The following SLC6A4 variants were observed in gnomAD, a reference collection of about 807,000 sequenced individuals.
SLC6A4 encodes sodium-dependent serotonin transporter.
SLC6A4 carries 22 observed loss-of-function variants against 73.4 expected under a neutral mutation model. That is an observed-to-expected ratio of 0.30 (90% CI 0.21 to 0.43). SLC6A4 has a LOEUF of 0.43. SLC6A4 is among the 20% of genes least tolerant of loss of function. The pLI is 1.00. For missense variants in SLC6A4, 593 were observed against 808.5 expected, an observed-to-expected ratio of 0.73 and a Z score of 3.23; for synonymous variants, 270 against 315.5, an observed-to-expected ratio of 0.86 and a Z score of 1.53.
Position 30,207,715 on chromosome 17 carries a change from G to A in SLC6A4, c.1650+17C>T, listed in dbSNP as rs1906251433. Reference sequence around the variant, plus strand: ...TCTTTCGCCAGGGCAAGGAGGAGAAGGGAAATGGCAACTCACCAGGAGAAA... The same window carrying A: ...TCTTTCGCCAGGGCAAGGAGGAGAAAGGAAATGGCAACTCACCAGGAGAAA... On this transcript the variant is annotated intron_variant, in intron 13 of 14. Coordinates refer to ENST00000650711, the MANE Select transcript of SLC6A4 (RefSeq NM_001045.6). 1 of 1,545,346 alleles carries A rather than the reference G, an allele frequency of 6.5e-7. No homozygotes were observed. Among genetic ancestry groups the A allele is most frequent in the Non-Finnish European group, 9.0e-7 (1 of 1,117,136 alleles).
In SLC6A4 at chr17:30,205,405, A is replaced by G. The variant is rs182729779; in HGVS notation, c.1651-2066T>C. ...CCAATGACTCTTCTTCCTTTGAAAA[A>G]CAAATAAAAATATTTAAGTAGATTA... On this transcript the variant is annotated intron_variant, in intron 13 of 14. Coordinates refer to ENST00000650711, the MANE Select transcript of SLC6A4 (RefSeq NM_001045.6). Among the ~76,000 whole-genome samples the G allele has an allele frequency of 8.6e-4, 131 of 152,290 alleles. 1 individual carries two copies. The highest frequency in any genetic ancestry group is 1.3e-3 in the Non-Finnish European group (89 of 68,024).
At chr17:30,229,001 G>A (rs1466755753) in intron 1 of SLC6A4, among the ~76,000 whole-genome samples, 7 of 152,194 alleles carry the variant, frequency 4.6e-5, no homozygotes, top group African/African-American at 1.2e-4. Context: ...CTCCATGTGA[G>A]GTGCTGCTCT....
At chr17:30,232,662 C>CAGTCAG (rs1907148101) in intron 1 of SLC6A4, among the ~76,000 whole-genome samples, 1 of 152,204 alleles carries the variant, frequency 6.6e-6, no homozygotes, top group Admixed American at 6.5e-5. Flanking sequence ...AATAATAAGG[C>CAGTCAG]AGTCAGACTG....
chr17:30,209,401 G>T (rs1035917855), intron 11 of SLC6A4, among the ~76,000 whole-genome samples, 159 bp from the exon 12 acceptor site: 2 of 152,190 alleles, frequency 1.3e-5, no homozygotes, highest in East Asian at 3.9e-4. Flanking sequence ...GCCAGGTGCG[G>T]TGGCTCATGC....
intron 13 of SLC6A4, among the ~76,000 whole-genome samples, chr17:30,207,036 C>T (rs1181632676): frequency 6.6e-6 from 1 of 152,066 alleles, no homozygotes; most frequent in East Asian, 1.9e-4. Flanking sequence ...ATGGGAGTGC[C>T]AGAACTATAA....
intron 7 of SLC6A4, 77 bp from the exon 8 acceptor site, chr17:30,215,791 C>T: frequency 4.7e-6 from 6 of 1,273,372 alleles, no homozygotes; most frequent in Non-Finnish European, 5.7e-6. Context: ...GGTCGCCACT[C>T]CTGCCTCCAT....
rs1177152995 is a variant in SLC6A4, at chr17:30,196,501, G to A, written c.*1955C>T. ...AGTAGTATATTTGAACAATGTCTAA[G>A]TATGTGGGGTGGGGAGAATCCATAT... On this transcript the variant is annotated 3_prime_UTR_variant, in exon 15 of 15. Transcript: ENST00000650711. 6.6e-6 allele frequency: 1 copy of A among 152,256 alleles called. No individual in the cohort carries two copies. Among genetic ancestry groups the A allele is most frequent in the East Asian group, 1.9e-4 (1 of 5,336 alleles). The allele number at this position is 152,256 out of a possible 1,614,324, so 9.4% of individuals were successfully genotyped here.
At chr17:30,214,634 CTTTT>C (rs753290326) in intron 8 of SLC6A4, among the ~76,000 whole-genome samples, 3 of 132,350 alleles carry the variant, frequency 2.3e-5, no homozygotes, top group Middle Eastern at 3.7e-3. Flanking sequence ...TTCTTTCTTT[CTTTT>C]TTTTTTTTTT....
At chr17:30,218,059 C>T in intron 5 of SLC6A4, 59 bp downstream of exon 5, 1 of 1,443,080 alleles carries the variant, frequency 6.9e-7, no homozygotes, top group Non-Finnish European at 9.7e-7. Flanking sequence ...TTTAAGAAGC[C>T]AAACCCCAGG....
Position 30,221,990 on chromosome 17 carries a change from T to C in SLC6A4, c.-32A>G. 5.6e-6 allele frequency: 9 copies of C among 1,613,740 alleles called. No individual in the cohort carries two copies. In the South Asian group the frequency reaches 9.9e-5, roughly 18 times the overall value. On this transcript the variant is annotated 5_prime_UTR_variant, in exon 3 of 15. It removes an upstream start codon present in the reference 5' UTR. Transcript: ENST00000650711. ...GGTTAGTAAATGACACTGATGTCCA[T>C]CTGCCAAGGATCCCAATTGATCTCT...
At chr17:30,214,952 T>C (rs1389172309) in intron 8 of SLC6A4, among the ~76,000 whole-genome samples, 1 of 151,494 alleles carries the variant, frequency 6.6e-6, no homozygotes, top group African/African-American at 2.4e-5. Context: ...CTTTCTTTCT[T>C]TCTTTCCTTC....
intron 14 of SLC6A4, among the ~76,000 whole-genome samples, chr17:30,200,614 A>C (rs1419622124): frequency 6.6e-6 from 1 of 152,220 alleles, no homozygotes; most frequent in East Asian, 1.9e-4. Context: ...TCCCTCACAC[A>C]TAGAAAGTTA....
rs1419003277 is a variant in SLC6A4 at position 30,232,795 on chromosome 17, C to T, written c.-221+2818G>A. Among the ~76,000 whole-genome samples, 5 of 152,220 alleles carry T rather than the reference C, an allele frequency of 3.3e-5. No individual in the cohort carries two copies. In the East Asian group the frequency reaches 9.6e-4, roughly 29 times the overall value. ...GTAAATGAGCATTCGTCTTCCCAGTCACCCAGAGCAAACAAAAGTCAGGCT... is the reference window on the plus strand; with the variant it reads ...GTAAATGAGCATTCGTCTTCCCAGTTACCCAGAGCAAACAAAAGTCAGGCT... On this transcript the variant is annotated intron_variant, in intron 1 of 14. Coordinates refer to ENST00000650711, the MANE Select transcript of SLC6A4 (RefSeq NM_001045.6).
At chr17:30,207,468 A>G (rs2143013897) in intron 13 of SLC6A4, among the ~76,000 whole-genome samples, 1 of 152,038 alleles carries the variant, frequency 6.6e-6, no homozygotes, top group East Asian at 1.9e-4. Flanking sequence ...GCTCACTGCA[A>G]CCTCCGCCTC....
At chr17:30,208,239 T>C (rs1189927835) in intron 12 of SLC6A4, among the ~76,000 whole-genome samples, 3 of 152,182 alleles carry the variant, frequency 2.0e-5, no homozygotes, top group Non-Finnish European at 4.4e-5. Context: ...TCTGATTTCA[T>C]TGTTATTATA....
At chr17:30,212,938 G>A (rs1252446488) in intron 8 of SLC6A4, 71 bp from the exon 9 acceptor site, 3 of 1,547,290 alleles carry the variant, frequency 1.9e-6, no homozygotes, top group Non-Finnish European at 2.7e-6. Flanking sequence ...ATCTGTCCGT[G>A]TGCCTGCCCT....
chr17:30,231,080 C>T (rs970189131), intron 1 of SLC6A4, among the ~76,000 whole-genome samples: 1 of 151,930 alleles, frequency 6.6e-6, no homozygotes, highest in African/African-American at 2.4e-5. Flanking sequence ...ATTGAGACAG[C>T]GGGGGAAATG....
intron 11 of SLC6A4, 137 bp from the exon 12 acceptor site, chr17:30,209,379 ACTGCCT>A: frequency 1.7e-6 from 1 of 599,920 alleles, no homozygotes; most frequent in Non-Finnish European, 2.9e-6. Context: ...TACCCCAGAA[ACTGCCT>A]CTTAGGCCAG....
In SLC6A4 at chr17:30,197,194, T is replaced by G. The variant is rs982024307; in HGVS notation, c.*1262A>C. 3.9e-5 allele frequency: 6 copies of G among 152,226 alleles called. No individual in the cohort carries two copies. The highest frequency in any genetic ancestry group is 8.8e-5 in the Non-Finnish European group (6 of 68,018). The allele number at this position is 152,226 out of a possible 1,614,324, so 9.4% of individuals were successfully genotyped here. On this transcript the variant is annotated 3_prime_UTR_variant, in exon 15 of 15. Transcript: ENST00000650711. ...TCTATATTAAGGGCCTTATGTGAAA[T>G]GAAAGGTGATTTACTTAGCTGACCA...
Sources: allele counts gnomAD v4.1 joint callset (sites outside exome capture counted in the v4.1 genomes callset), GRCh38; gene constraint gnomAD v4.1.1; transcripts MANE v1.5; gene names NCBI Gene and HGNC (gene_info 2026-07-23, HGNC 2026-07-21).